Variants in CAB39 observed in about 807,000 individuals in gnomAD.
The protein encoded by CAB39 is calcium-binding protein 39.
In CAB39, 8 loss-of-function variants were observed where a neutral mutation model predicts 40.0. The observed-to-expected ratio is 0.20, with a 90% CI of 0.12 to 0.36. CAB39 has a LOEUF of 0.36. Among genes scored for constraint, CAB39 ranks in the 10% least tolerant of loss-of-function variants. CAB39 has a pLI of 1.00. For synonymous variants in CAB39, 156 were observed against 141.6 expected, an observed-to-expected ratio of 1.10 and a Z score of -0.72; for missense variants, 270 against 401.1, an observed-to-expected ratio of 0.67 and a Z score of 2.79.
In CAB39 at chr2:230,818,656, A is replaced by G; in HGVS notation, c.978A>G (p.Leu326=). ...DEQFNDEKTY[L]VKQIRDLKRP... ...AGTTTAACGACGAGAAGACCTATTT[A>G]GTTAAACAGATCAGGGATTTGAAGA... The change falls in exon 9 of 9, where the codon TTA becomes TTG. Residue 326 remains leucine, a synonymous_variant. Coordinates refer to ENST00000258418, the MANE Select transcript of CAB39 (RefSeq NM_016289.4). 1 of 1,614,178 alleles carries G rather than the reference A, an allele frequency of 6.2e-7. No homozygotes were observed.
chr2:230,718,783 C>T (rs766403996), intron 1 of CAB39, among the ~76,000 whole-genome samples: 1 of 152,122 alleles, frequency 6.6e-6, no homozygotes, highest in Non-Finnish European at 1.5e-5. Context: ...AACACTGAGG[C>T]CCACCGTAAC....
chr2:230,799,390 A>G (rs1696044799), intron 5 of CAB39, among the ~76,000 whole-genome samples: 1 of 152,232 alleles, frequency 6.6e-6, no homozygotes, highest in Non-Finnish European at 1.5e-5. Flanking sequence ...CTCTGCTCAC[A>G]CTGGATCATG....
chr2:230,797,010 T>C (rs138416034), intron 4 of CAB39, among the ~76,000 whole-genome samples: 209 of 152,310 alleles, frequency 1.4e-3, no homozygotes, highest in African/African-American at 4.8e-3. Flanking sequence ...AGTTTGTCTT[T>C]ATTTGATTAG....
In CAB39 at chr2:230,800,916, G is replaced by A. The variant is rs563188170; in HGVS notation, c.567+2019G>A. On this transcript the variant is annotated intron_variant, in intron 5 of 8. Transcript: ENST00000258418. ...AATTCTCACCAAGGAGAAAATGGCAGTGATGGATCGCTATGGGTAAAGCAG... is the reference window on the plus strand; with the variant it reads ...AATTCTCACCAAGGAGAAAATGGCAATGATGGATCGCTATGGGTAAAGCAG... 2.6e-5 allele frequency among the ~76,000 whole-genome samples: 4 copies of A among 152,188 alleles called. No homozygotes were observed. In the South Asian group the frequency reaches 8.3e-4, roughly 32 times the overall value.
At chr2:230,803,484 CAT>C (rs1221481558) in intron 5 of CAB39, among the ~76,000 whole-genome samples, 1 of 152,226 alleles carries the variant, frequency 6.6e-6, no homozygotes, top group African/African-American at 2.4e-5. Context: ...TTGCAGATGA[CAT>C]GATTGTATAT....
intron 1 of CAB39, among the ~76,000 whole-genome samples, chr2:230,726,424 G>A (rs1472710626): frequency 1.3e-5 from 2 of 152,052 alleles, no homozygotes; most frequent in South Asian, 2.1e-4. Flanking sequence ...TGCCCACTTC[G>A]GACTCCCAAA....
At chr2:230,763,938 A>G (rs1202356627) in intron 2 of CAB39, among the ~76,000 whole-genome samples, 1 of 152,146 alleles carries the variant, frequency 6.6e-6, no homozygotes, top group Non-Finnish European at 1.5e-5. Flanking sequence ...CATGACCAAC[A>G]TAGTGAAACC....
At chr2:230,725,855 T>TA (rs1694558232) in intron 1 of CAB39, among the ~76,000 whole-genome samples, 1 of 152,174 alleles carries the variant, frequency 6.6e-6, no homozygotes, top group Non-Finnish European at 1.5e-5. Flanking sequence ...TTAGGAAAGT[T>TA]AAAAGTACAG....
chr2:230,765,515 G>T (rs375859590), intron 2 of CAB39, among the ~76,000 whole-genome samples: 2 of 152,270 alleles, frequency 1.3e-5, no homozygotes, highest in African/African-American at 4.8e-5. Flanking sequence ...AGTGGCTGCA[G>T]GTAGGGAGAA....
At chr2:230,722,525 A>G (rs932513120) in intron 1 of CAB39, among the ~76,000 whole-genome samples, 2 of 152,198 alleles carry the variant, frequency 1.3e-5, no homozygotes, top group African/African-American at 4.8e-5. Flanking sequence ...CTCTGGCCAT[A>G]AATTCTGGAT....
chr2:230,767,657 C>T (rs1223005836), intron 2 of CAB39, among the ~76,000 whole-genome samples: 1 of 152,108 alleles, frequency 6.6e-6, no homozygotes, highest in African/African-American at 2.4e-5. Context: ...CCTTATATGG[C>T]CTGCAAAGTC....
chr2:230,811,688 CA>C (rs1281542152), intron 6 of CAB39, among the ~76,000 whole-genome samples: 2 of 152,220 alleles, frequency 1.3e-5, no homozygotes, highest in Non-Finnish European at 2.9e-5. Flanking sequence ...CTACTGGGAT[CA>C]TCATGAGGAT....
chr2:230,803,158 G>A (rs1432027060), intron 5 of CAB39, among the ~76,000 whole-genome samples: 21 of 152,130 alleles, frequency 1.4e-4, no homozygotes, highest in Admixed American at 1.2e-3. Context: ...CAAAAACCAT[G>A]TGATTATCTC....
At chr2:230,750,057 C>A (rs1027214687) in intron 1 of CAB39, among the ~76,000 whole-genome samples, 1 of 152,090 alleles carries the variant, frequency 6.6e-6, no homozygotes, top group Non-Finnish European at 1.5e-5. Flanking sequence ...CTTGTAGGAA[C>A]GAACAAATGG....
rs1184374704 is a variant in CAB39 at position 230,820,346 on chromosome 2, C to G, written c.*1642C>G. 1 of 152,094 alleles carries G rather than the reference C, an allele frequency of 6.6e-6. No individual in the cohort carries two copies. The highest frequency in any genetic ancestry group is 6.5e-5 in the Admixed American group (1 of 15,270). The allele number at this position is 152,094 out of a possible 1,614,324, so 9.4% of individuals were successfully genotyped here. ...GCAGGTTTTAAACCTTCAGGAACAC[C>G]AGTTAGGAAAATAGCTCCAGAAAAT... On this transcript the variant is annotated 3_prime_UTR_variant, in exon 9 of 9. Coordinates refer to ENST00000258418, the MANE Select transcript of CAB39 (RefSeq NM_016289.4).
intron 1 of CAB39, among the ~76,000 whole-genome samples, chr2:230,756,924 C>T (rs1420928225): frequency 1.3e-5 from 2 of 152,212 alleles, no homozygotes. Flanking sequence ...AACTCCTGAC[C>T]TCGTGATCTG....
chr2:230,749,946 A>G (rs949447269), intron 1 of CAB39, among the ~76,000 whole-genome samples: 5 of 152,214 alleles, frequency 3.3e-5, no homozygotes, highest in African/African-American at 4.8e-5. Context: ...TTGAAGTCCC[A>G]GCTTTTTCGC....
rs555368282 is a variant in CAB39 at position 230,720,261 on chromosome 2, C to A, written c.-44+7031C>A. 2.0e-5 allele frequency among the ~76,000 whole-genome samples: 3 copies of A among 152,282 alleles called. No individual in the cohort carries two copies. The South Asian group carries it at 6.2e-4, about 32-fold the overall frequency. On this transcript the variant is annotated intron_variant, in intron 1 of 8. Transcript: ENST00000258418. ...TAAATTTGGGAATGTAAAGAACATG[C>A]TTTGGCTGTGGTTGGTATTAATCCC...
At chr2:230,775,304 C>A (rs567296309) in intron 2 of CAB39, among the ~76,000 whole-genome samples, 1 of 147,396 alleles carries the variant, frequency 6.8e-6, no homozygotes, top group Non-Finnish European at 1.5e-5. Context: ...GGTGTGATCT[C>A]GGCTCACCGC....
Sources: gnomAD v4.1 joint callset for allele counts (sites outside exome capture counted in the v4.1 genomes callset) on GRCh38, gnomAD v4.1.1 for gene constraint, MANE v1.5 for transcripts, NCBI Gene and HGNC (gene_info 2026-07-23, HGNC 2026-07-21) for gene names.